Variants in TMPRSS11B observed in about 807,000 individuals in gnomAD.
TMPRSS11B encodes the protein transmembrane protease serine 11B.
TMPRSS11B carries 53 observed loss-of-function variants against 44.7 expected under a neutral mutation model. The ratio of observed to expected loss-of-function variants is 1.19; its 90% CI spans 0.95 to 1.49. The LOEUF is 1.49. Among genes scored for constraint, TMPRSS11B ranks in the 40% most tolerant of loss-of-function variants. The pLI, the probability that TMPRSS11B is intolerant of heterozygous loss-of-function variation, is 0.00. For missense variants in TMPRSS11B, 526 were observed against 494.8 expected, an observed-to-expected ratio of 1.06 and a Z score of -0.60; for synonymous variants, 140 against 159.2, an observed-to-expected ratio of 0.88 and a Z score of 0.91.
In TMPRSS11B at chr4:68,229,516, C is replaced by G; in HGVS notation, c.687G>C (p.Lys229Asn). 2 of 1,610,030 alleles carry G rather than the reference C, an allele frequency of 1.2e-6. No individual in the cohort carries two copies. The highest frequency in any genetic ancestry group is 1.7e-6 in the Non-Finnish European group (2 of 1,177,648). ...CAGTCCAATCTTTTGAATTATTTTT[C>G]CTAGAGGACACAATGTAATTAGAAT... ...WLLSAAHCFAKKNNSKDWTVN... is the reference protein window; with the variant it reads ...WLLSAAHCFANKNNSKDWTVN... The change falls in exon 8 of 10, where the codon AAG becomes AAC. Residue 229 changes from lysine (K) to asparagine (N), a missense_variant and splice_region_variant. Lys to Asn is a moderately conservative substitution (Grantham distance 94). Coordinates refer to ENST00000332644, the MANE Select transcript of TMPRSS11B (RefSeq NM_182502.3).
At chr4:68,228,601 A>G in intron 9 of TMPRSS11B, 141 bp downstream of exon 9, 2 of 836,498 alleles carry the variant, frequency 2.4e-6, no homozygotes, top group East Asian at 2.9e-5. Flanking sequence ...TCTGGTACAT[A>G]AATGGAATTA....
chr4:68,228,915 G>A, intron 8 of TMPRSS11B, 31 bp from the exon 9 acceptor site: 1 of 1,597,968 alleles, frequency 6.3e-7, no homozygotes, highest in Admixed American at 1.7e-5. Flanking sequence ...ATATTATGCA[G>A]ATCTTAGACT....
chr4:68,245,530 C>T, intron 1 of TMPRSS11B, 21 bp downstream of exon 1: 1 of 1,613,316 alleles, frequency 6.2e-7, no homozygotes, highest in South Asian at 1.1e-5. Context: ...AACTTGCTCT[C>T]CCCAGTGAAG....
At chr4:68,241,966 G>A (rs1719837740) in intron 1 of TMPRSS11B, among the ~76,000 whole-genome samples, 162 bp from the exon 2 acceptor site, 1 of 151,122 alleles carries the variant, frequency 6.6e-6, no homozygotes, top group African/African-American at 2.4e-5. Context: ...AGACCCTAAT[G>A]CTCATTCACT....
chr4:68,228,664 CAA>C lies in TMPRSS11B; in HGVS notation c.1089+76_1089+77del, dbSNP rs1248530648. On this transcript the variant is annotated intron_variant, in intron 9 of 9. Transcript: ENST00000332644. ...AGCTACTATGTCAGTATTATTAACA[CAA>C]AAAAAATTTTATGTGGATAAAAACT... The C allele has an allele frequency of 4.1e-6, 6 of 1,479,502 alleles. No homozygotes were observed. The Admixed American group carries it at 6.8e-5, about 17-fold the overall frequency. The allele number at this position is 1,479,502 out of a possible 1,614,324, so 91.6% of individuals were successfully genotyped here. A position where few individuals can be genotyped will look rare whatever the true frequency, so the allele number is the denominator to read the frequency against.
rs750541929 is a variant in TMPRSS11B at position 68,236,133 on chromosome 4, TA to T, written c.240+17del. 11 of 1,571,808 alleles carry T rather than the reference TA, an allele frequency of 7.0e-6. No individual in the cohort carries two copies. The highest frequency in any genetic ancestry group is 1.8e-5 in the Admixed American group (1 of 54,264). Reference sequence around the variant, plus strand: ...ATCAAATTTATAATAAAATTAATTTTAAAAATCTCTGATTTACCTTAGTCTC... The same window carrying T: ...ATCAAATTTATAATAAAATTAATTTTAAAATCTCTGATTTACCTTAGTCTC... On this transcript the variant is annotated intron_variant, in intron 3 of 9. Transcript: ENST00000332644.
At position 68,231,374 on chromosome 4, in the gene TMPRSS11B, C is replaced by T. The variant is rs142191797; in HGVS notation, c.515G>A (p.Gly172Glu). 25 of 1,611,130 alleles carry T rather than the reference C, an allele frequency of 1.6e-5. No homozygotes were observed. Among genetic ancestry groups the T allele is most frequent in the Non-Finnish European group, 2.1e-5 (25 of 1,178,710 alleles). ...ASEMLTNNCCGRQVANSIITG... is the reference protein window; with the variant it reads ...ASEMLTNNCCERQVANSIITG... ...TATGATACTGTTGGCTACTTGTCTCCCACAACCTAGAGAAAGGATTTATTT... is the reference window on the plus strand; with the variant it reads ...TATGATACTGTTGGCTACTTGTCTCTCACAACCTAGAGAAAGGATTTATTT... Residue 172 changes from glycine (G) to glutamate (E), a missense_variant, in exon 7 of 10, where the codon GGG becomes GAG. Coordinates refer to ENST00000332644, the MANE Select transcript of TMPRSS11B (RefSeq NM_182502.3).
intron 2 of TMPRSS11B, among the ~76,000 whole-genome samples, chr4:68,239,196 C>T (rs1479544112): frequency 2.0e-5 from 3 of 152,172 alleles, no homozygotes; most frequent in Non-Finnish European, 4.4e-5. Context: ...GGTTGAGACA[C>T]GAATCCAATA....
chr4:68,228,694 C>G, intron 9 of TMPRSS11B, 48 bp downstream of exon 9: 1 of 1,545,086 alleles, frequency 6.5e-7, no homozygotes, highest in African/African-American at 1.4e-5. Context: ...TAAAAACTTC[C>G]ATTTGATTAA....
chr4:68,236,953 TTA>T (rs1719688400), intron 2 of TMPRSS11B, among the ~76,000 whole-genome samples: 1 of 149,338 alleles, frequency 6.7e-6, no homozygotes, highest in Non-Finnish European at 1.5e-5. Flanking sequence ...ATTATTATTA[TTA>T]TACTTTAACT....
At chr4:68,242,272 ATAT>A (rs1381081843) in intron 1 of TMPRSS11B, among the ~76,000 whole-genome samples, 947 of 74,704 alleles carry the variant, frequency 0.013, 10 homozygotes, top group Non-Finnish European at 0.017. Flanking sequence ...ATATAATATA[ATAT>A]TATATATATT....
At chr4:68,235,890 G>A (rs1486888297) in intron 4 of TMPRSS11B, 112 bp downstream of exon 4, 5 of 501,876 alleles carry the variant, frequency 1.0e-5, no homozygotes, top group Non-Finnish European at 1.3e-5. Context: ...CCTTTCCTTT[G>A]TTTCTCTTTT....
rs149535196 is a variant in TMPRSS11B, at chr4:68,241,258, G to T, written c.124+431C>A. Among the ~76,000 whole-genome samples, 450 of 152,182 alleles carry T rather than the reference G, an allele frequency of 3.0e-3. 1 individual carries two copies. The highest frequency in any genetic ancestry group is 0.01 in the African/African-American group (431 of 41,522). ...TGCAAACATTTAGCCATTAAACCAT[G>T]CTTGACTATCTACTATTAAAAGAGT... On this transcript the variant is annotated intron_variant, in intron 2 of 9. Coordinates refer to ENST00000332644, the MANE Select transcript of TMPRSS11B (RefSeq NM_182502.3).
chr4:68,230,803 C>CAAA (rs34025669), intron 7 of TMPRSS11B, among the ~76,000 whole-genome samples: 4 of 128,826 alleles, frequency 3.1e-5, no homozygotes, highest in Non-Finnish European at 5.0e-5. Context: ...GACTCCATCT[C>CAAA]AAAAAAAAAA....
At chr4:68,229,929 T>C (rs1395118094) in intron 7 of TMPRSS11B, among the ~76,000 whole-genome samples, 1 of 152,124 alleles carries the variant, frequency 6.6e-6, no homozygotes, top group African/African-American at 2.4e-5. Flanking sequence ...CACCCTCAAG[T>C]AGGCCCTAAT....
In TMPRSS11B at chr4:68,227,751, G is replaced by C. The variant is rs1719394219; in HGVS notation, c.*160C>G. 1 of 357,586 alleles carries C rather than the reference G, an allele frequency of 2.8e-6. No individual in the cohort carries two copies. Among genetic ancestry groups the C allele is most frequent in the Admixed American group, 5.2e-5 (1 of 19,126 alleles). 22.2% of individuals were successfully genotyped at this position (357,586 alleles called of 1,614,324 possible). On this transcript the variant is annotated 3_prime_UTR_variant, in exon 10 of 10. Coordinates refer to ENST00000332644, the MANE Select transcript of TMPRSS11B (RefSeq NM_182502.3). ...AATTTAAAAGATTAATAAATGCATG[G>C]ACAGTGTTTTAGATATAATAAAATA...
chr4:68,244,533 C>G (rs562133473), intron 1 of TMPRSS11B, among the ~76,000 whole-genome samples: 1 of 152,152 alleles, frequency 6.6e-6, no homozygotes, highest in South Asian at 2.1e-4. Flanking sequence ...GGCTGAGGCA[C>G]GAGAATGGCT....
chr4:68,233,832 A>G (rs559560504), intron 5 of TMPRSS11B, among the ~76,000 whole-genome samples: 2 of 152,014 alleles, frequency 1.3e-5, no homozygotes, highest in African/African-American at 4.8e-5. Flanking sequence ...AAAGCCCTAA[A>G]TCTGCTTTCT....
At chr4:68,232,179 A>T (rs1719534299) in intron 6 of TMPRSS11B, 199 bp downstream of exon 6, 1 of 355,864 alleles carries the variant, frequency 2.8e-6, no homozygotes, top group South Asian at 1.1e-4. Flanking sequence ...AACTTTTTAT[A>T]TATTTTTTAA....
Sources: allele counts gnomAD v4.1 joint callset (sites outside exome capture counted in the v4.1 genomes callset), GRCh38; gene constraint gnomAD v4.1.1; transcripts MANE v1.5; gene names NCBI Gene and HGNC (gene_info 2026-07-23, HGNC 2026-07-21).